Variants in KCNIP4 observed in about 807,000 individuals in gnomAD.
KCNIP4 encodes Kv channel-interacting protein 4.
KCNIP4 carries 12 observed loss-of-function variants against 34.0 expected under a neutral mutation model. That is an observed-to-expected ratio of 0.35 (90% CI 0.23 to 0.57). The LOEUF (loss-of-function observed/expected upper bound fraction) is 0.57, where lower values mean the gene tolerates loss of function less well. KCNIP4 is among the 20% of genes least tolerant of loss of function. The pLI is 0.83. For synonymous variants in KCNIP4, 124 were observed against 102.2 expected (o/e 1.21, Z -1.29); for missense variants, 238 against 311.7 (o/e 0.76, Z 1.78).
At chr4:21,015,125 C>T (rs181798860) in intron 1 of KCNIP4, among the ~76,000 whole-genome samples, 57 of 151,762 alleles carry the variant, frequency 3.8e-4, no homozygotes, top group Middle Eastern at 6.8e-3. Flanking sequence ...AGGAACTCTG[C>T]GGAGAGAAGA....
At chr4:20,948,296 A>G (rs1395070015) in intron 1 of KCNIP4, among the ~76,000 whole-genome samples, 2 of 152,254 alleles carry the variant, frequency 1.3e-5, no homozygotes, top group Non-Finnish European at 2.9e-5. Context: ...GCAAAATTTA[A>G]TAAGTATTGA....
At chr4:21,601,585 A>G (rs1407973499) in intron 1 of KCNIP4, among the ~76,000 whole-genome samples, 1 of 151,940 alleles carries the variant, frequency 6.6e-6, no homozygotes, top group Non-Finnish European at 1.5e-5. Context: ...TCAGTCCTCT[A>G]TTTGGCTCTC....
intron 3 of KCNIP4, among the ~76,000 whole-genome samples, chr4:20,825,225 G>GTTTTTTTTTTTT (rs71181592): frequency 7.9e-5 from 9 of 113,636 alleles, no homozygotes; most frequent in East Asian, 2.8e-4. Flanking sequence ...TCAATTTTAC[G>GTTTTTTTTTTTT]TTTTTTTTTT....
intron 1 of KCNIP4, among the ~76,000 whole-genome samples, chr4:21,470,857 T>G (rs1190736183): frequency 6.6e-6 from 1 of 151,864 alleles, no homozygotes; most frequent in African/African-American, 2.4e-5. Flanking sequence ...AAACCTAAAA[T>G]CATTAGAGAA....
intron 1 of KCNIP4, among the ~76,000 whole-genome samples, chr4:21,894,798 C>T (rs1727291795): frequency 6.6e-6 from 1 of 152,142 alleles, no homozygotes; most frequent in Non-Finnish European, 1.5e-5. Flanking sequence ...TAATCTTTTA[C>T]ACAAGGCAGG....
At chr4:21,201,062 A>C (rs1422782545) in intron 1 of KCNIP4, among the ~76,000 whole-genome samples, 1 of 152,182 alleles carries the variant, frequency 6.6e-6, no homozygotes, top group South Asian at 2.1e-4. Flanking sequence ...TATTCAAAAA[A>C]ATGGGCTTTA....
Position 21,112,163 on chromosome 4 carries a change from T to C in KCNIP4, c.62-229454A>G, listed in dbSNP as rs538360597. 6.6e-5 allele frequency among the ~76,000 whole-genome samples: 10 copies of C among 152,206 alleles called. No individual in the cohort carries two copies. In the South Asian group the frequency reaches 2.1e-3, roughly 32 times the overall value. ...ATAGTCAAGTTTAAGATAATGTCTA[T>C]CCTTAAGAATGGAACTTGAAAGGTT... is the stretch of plus-strand genomic sequence containing the variant. On this transcript the variant is annotated intron_variant, in intron 1 of 8. Coordinates refer to ENST00000382152, the MANE Select transcript of KCNIP4 (RefSeq NM_025221.6).
At chr4:21,666,495 C>A (rs1158886797) in intron 1 of KCNIP4, among the ~76,000 whole-genome samples, 1 of 152,166 alleles carries the variant, frequency 6.6e-6, no homozygotes, top group African/African-American at 2.4e-5. Flanking sequence ...AGTGTGTCAG[C>A]ACACGTATTT....
At chr4:21,025,098 A>G (rs1421996240) in intron 1 of KCNIP4, among the ~76,000 whole-genome samples, 2 of 152,230 alleles carry the variant, frequency 1.3e-5, no homozygotes, top group African/African-American at 2.4e-5. Flanking sequence ...AAGAATATCA[A>G]TAATTTCCCA....
At chr4:21,547,548 T>G (rs1442555251) in intron 1 of KCNIP4, among the ~76,000 whole-genome samples, 2 of 152,000 alleles carry the variant, frequency 1.3e-5, no homozygotes, top group Admixed American at 1.3e-4. Flanking sequence ...ATCTCTCCTC[T>G]TTGGGCAACA....
intron 1 of KCNIP4, among the ~76,000 whole-genome samples, chr4:21,051,886 A>C (rs142164919): frequency 0.019 from 2,840 of 152,292 alleles, 53 homozygotes; most frequent in Non-Finnish European, 0.026. Flanking sequence ...GAGAGATGCA[A>C]GTTACAAATA....
At chr4:21,400,684 C>T (rs1228588896) in intron 1 of KCNIP4, among the ~76,000 whole-genome samples, 7 of 151,980 alleles carry the variant, frequency 4.6e-5, no homozygotes, top group African/African-American at 1.7e-4. Context: ...GACCAAGCAT[C>T]CAACTGGTGC....
chr4:21,652,940 G>C (rs970298377), intron 1 of KCNIP4, among the ~76,000 whole-genome samples: 3 of 152,160 alleles, frequency 2.0e-5, no homozygotes, highest in Non-Finnish European at 4.4e-5. Context: ...ACAGAGAAAG[G>C]TTTCCATTTA....
At chr4:21,825,368 T>C (rs1238928605) in intron 1 of KCNIP4, among the ~76,000 whole-genome samples, 2 of 152,174 alleles carry the variant, frequency 1.3e-5, no homozygotes, top group Admixed American at 1.3e-4. Flanking sequence ...AAATTTAAGT[T>C]TACCATGGTA....
intron 1 of KCNIP4, among the ~76,000 whole-genome samples, chr4:21,358,926 T>C (rs1718937164): frequency 6.6e-6 from 1 of 152,042 alleles, no homozygotes; most frequent in South Asian, 2.1e-4. Context: ...ACCAAACCAG[T>C]GTTCATCTTA....
intron 8 of KCNIP4, chr4:20,731,652 GATATGATAGATAAT>G (rs1748247054): frequency 1.0e-6 from 1 of 985,078 alleles, no homozygotes; most frequent in Non-Finnish European, 1.2e-6. Context: ...ATGCTGTGGA[GATATGATAGATAAT>G]ATATGAGTGA....
intron 1 of KCNIP4, among the ~76,000 whole-genome samples, chr4:21,319,011 A>G (rs1344329050): frequency 2.0e-5 from 3 of 152,242 alleles, no homozygotes; most frequent in Non-Finnish European, 2.9e-5. Context: ...AATGAGGAAC[A>G]ACTCTAAGCA....
intron 1 of KCNIP4, among the ~76,000 whole-genome samples, chr4:21,759,829 A>C (rs1717924496): frequency 6.6e-6 from 1 of 152,042 alleles, no homozygotes; most frequent in Non-Finnish European, 1.5e-5. Context: ...TCCTGTCTAA[A>C]CATGGCTGTG....
intron 1 of KCNIP4, among the ~76,000 whole-genome samples, chr4:21,270,050 T>C (rs755243051): frequency 1.3e-5 from 2 of 152,134 alleles, no homozygotes; most frequent in Non-Finnish European, 2.9e-5. Context: ...GCAAATCAGG[T>C]ATTTTGGGAT....
Sources: allele counts gnomAD v4.1 joint callset (sites outside exome capture counted in the v4.1 genomes callset), GRCh38; gene constraint gnomAD v4.1.1; transcripts MANE v1.5; gene names NCBI Gene and HGNC (gene_info 2026-07-23, HGNC 2026-07-21).